Variants in PKNOX2 observed in about 807,000 individuals in gnomAD.
PKNOX2 encodes homeobox protein PKNOX2.
A neutral mutation model predicts 53.1 loss-of-function variants in PKNOX2; 14 were observed. The observed-to-expected ratio is 0.26, with a 90% confidence interval of 0.17 to 0.41. PKNOX2 has a LOEUF of 0.41. PKNOX2 is among the 10% of genes least tolerant of loss of function. The pLI is 1.00. For missense variants in PKNOX2, 496 were observed against 602.8 expected (o/e 0.82, Z 1.85); for synonymous variants, 257 against 242.8 (o/e 1.06, Z -0.54).
intron 2 of PKNOX2, among the ~76,000 whole-genome samples, chr11:125,299,837 C>T (rs554923725): frequency 3.3e-5 from 5 of 152,284 alleles, no homozygotes; most frequent in South Asian, 2.1e-4. Context: ...GAGCCAGAAG[C>T]GACCGTGGGG....
intron 2 of PKNOX2, among the ~76,000 whole-genome samples, chr11:125,264,125 A>G (rs1260157504): frequency 2.0e-5 from 3 of 152,188 alleles, no homozygotes; most frequent in Non-Finnish European, 4.4e-5. Flanking sequence ...CACTGTTAGG[A>G]AAAGGGAATC....
chr11:125,388,928 C>T (rs1307099490), intron 6 of PKNOX2, among the ~76,000 whole-genome samples: 1 of 152,246 alleles, frequency 6.6e-6, no homozygotes, highest in Non-Finnish European at 1.5e-5. Flanking sequence ...GGAACCGTGG[C>T]TCATGCCTGT....
At chr11:125,222,605 C>CTG (rs1010713566) in intron 1 of PKNOX2, among the ~76,000 whole-genome samples, 1 of 140,676 alleles carries the variant, frequency 7.1e-6, no homozygotes, top group African/African-American at 2.6e-5. Flanking sequence ...GTGTGTGTGT[C>CTG]TGTGTGTATG....
intron 5 of PKNOX2, among the ~76,000 whole-genome samples, chr11:125,371,720 TTCTC>T (rs1452761487): frequency 6.6e-6 from 1 of 152,064 alleles, no homozygotes; most frequent in Non-Finnish European, 1.5e-5. Context: ...GGCTGAAAGA[TTCTC>T]TCCGAGAACC....
At chr11:125,198,581 G>T (rs532531184) in intron 1 of PKNOX2, among the ~76,000 whole-genome samples, 2 of 152,296 alleles carry the variant, frequency 1.3e-5, no homozygotes, top group South Asian at 2.1e-4. Context: ...TCACAGGGTA[G>T]TAAAATAATC....
In PKNOX2 at chr11:125,370,892, C is replaced by T. The variant is rs1338055011; in HGVS notation, c.227+2907C>T. Among the ~76,000 whole-genome samples the T allele has an allele frequency of 2.0e-5, 3 of 152,202 alleles. No homozygotes were observed. The highest frequency in any genetic ancestry group is 2.9e-5 in the Non-Finnish European group (2 of 68,036). ...TTTCCATTCAGATGAGTGCCCCACA[C>T]TGGCTTTTGGGAGCCCCCATCATGG... is the stretch of plus-strand genomic sequence containing the variant. On this transcript the variant is annotated intron_variant, in intron 5 of 12. Coordinates refer to ENST00000298282, the MANE Select transcript of PKNOX2 (RefSeq NM_001382323.2). This position sits in a 1 kb window ranked among gnomAD's most constrained non-coding sequence, Gnocchi z 4.1.
chr11:125,197,958 A>C (rs986934161), intron 1 of PKNOX2, among the ~76,000 whole-genome samples: 1 of 152,230 alleles, frequency 6.6e-6, no homozygotes, highest in Non-Finnish European at 1.5e-5. Flanking sequence ...TGCAAACCAC[A>C]CTAGCAGCAT....
intron 10 of PKNOX2, among the ~76,000 whole-genome samples, chr11:125,427,492 A>G (rs1268526413): frequency 6.6e-6 from 1 of 152,222 alleles, no homozygotes; most frequent in Non-Finnish European, 1.5e-5. Flanking sequence ...CTTTTCCCTC[A>G]GAAAGTTCTA....
chr11:125,254,549 CA>C (rs1417376699), intron 2 of PKNOX2, among the ~76,000 whole-genome samples: 1 of 152,258 alleles, frequency 6.6e-6, no homozygotes, highest in Non-Finnish European at 1.5e-5. Flanking sequence ...CACATCTATA[CA>C]ATGAAGAGAA....
At chr11:125,275,302 G>A (rs1308951312) in intron 2 of PKNOX2, among the ~76,000 whole-genome samples, 3 of 152,098 alleles carry the variant, frequency 2.0e-5, no homozygotes, top group African/African-American at 7.2e-5. Flanking sequence ...TCAAGCAGAA[G>A]GAAAAGCAAA....
intron 3 of PKNOX2, among the ~76,000 whole-genome samples, chr11:125,339,311 G>A (rs57231580): frequency 0.036 from 5,493 of 152,280 alleles, 308 homozygotes; most frequent in African/African-American, 0.12. Context: ...CGGAAGAGAA[G>A]ACTCTGAAGT....
At position 125,385,608 on chromosome 11, in the gene PKNOX2, G is replaced by C; in HGVS notation, c.285G>C (p.Gln95His). 6.2e-7 allele frequency: 1 copy of C among 1,613,598 alleles called. No individual in the cohort carries two copies. Among genetic ancestry groups the C allele is most frequent in the Non-Finnish European group, 8.5e-7 (1 of 1,179,872 alleles). The stretch of plus-strand genomic sequence containing the variant: ...TTGAGAAATGTGAACAGGCCACCCA[G>C]GGCTCTGAGTGCATCACCTCCGCCA... The part of the protein sequence containing the change: ...LLFEKCEQAT[Q>H]GSECITSASF... Residue 95 changes from glutamine (Q) to histidine (H), a missense_variant, in exon 6 of 13, where the codon CAG becomes CAC. Coordinates refer to ENST00000298282, the MANE Select transcript of PKNOX2 (RefSeq NM_001382323.2).
Position 125,367,952 on chromosome 11 carries a change from C to T in PKNOX2, c.194C>T (p.Ala65Val), listed in dbSNP as rs777354694. ...CCCAGTGCCCCCATCGACCCCCAGG[C>T]CCAGCTGGAGGCTGACAAGCGAGCT... Reference protein sequence around the residue: ...PVPSAPIDPQAQLEADKRAVY... With the variant: ...PVPSAPIDPQVQLEADKRAVY... The change falls in exon 5 of 13, where the codon GCC (alanine) becomes GTC (valine). Residue 65 changes from alanine (A) to valine (V), a missense_variant. By Grantham distance (64) the Ala-to-Val change is moderately conservative. Coordinates refer to ENST00000298282, the MANE Select transcript of PKNOX2 (RefSeq NM_001382323.2). 2 of 1,613,296 alleles carry T rather than the reference C, an allele frequency of 1.2e-6. No individual in the cohort carries two copies. Among genetic ancestry groups the T allele is most frequent in the Middle Eastern group, 1.7e-4 (1 of 6,018 alleles).
chr11:125,255,452 C>A (rs915740621), intron 2 of PKNOX2, among the ~76,000 whole-genome samples: 2 of 152,178 alleles, frequency 1.3e-5, no homozygotes, highest in African/African-American at 2.4e-5. Context: ...TTGACCCTGG[C>A]TCTTATGGGA....
intron 1 of PKNOX2, among the ~76,000 whole-genome samples, chr11:125,187,608 A>T (rs1357079058): frequency 6.6e-6 from 1 of 151,704 alleles, no homozygotes; most frequent in Non-Finnish European, 1.5e-5. Context: ...GGGTCATGTC[A>T]TCTATGAGTA....
intron 3 of PKNOX2, among the ~76,000 whole-genome samples, chr11:125,335,162 T>C (rs1950368022): frequency 6.6e-6 from 1 of 152,184 alleles, no homozygotes; most frequent in Admixed American, 6.5e-5. Flanking sequence ...GTCTGATTTG[T>C]GCAGGCCTCC....
At chr11:125,346,773 G>C (rs1031576076) in intron 3 of PKNOX2, among the ~76,000 whole-genome samples, 1 of 150,928 alleles carries the variant, frequency 6.6e-6, no homozygotes, top group African/African-American at 2.5e-5. Flanking sequence ...AGGAAGGAGG[G>C]AGGGAAGAAG....
At chr11:125,309,144 T>TTTCTTTCTTTCTTTCTTTCC (rs1948643639) in intron 2 of PKNOX2, among the ~76,000 whole-genome samples, 1 of 149,326 alleles carries the variant, frequency 6.7e-6, no homozygotes, top group Non-Finnish European at 1.5e-5. Flanking sequence ...TCTTTCTTTC[T>TTTCTTTCTTTCTTTCTTTCC]TTCTTTCTTT....
intron 1 of PKNOX2, among the ~76,000 whole-genome samples, chr11:125,196,705 A>G (rs1175169042): frequency 1.3e-5 from 2 of 152,222 alleles, no homozygotes; most frequent in Non-Finnish European, 2.9e-5. Context: ...CCTCATCATT[A>G]GAACAAAGGC....
Sources: gnomAD v4.1 joint callset for allele counts (sites outside exome capture counted in the v4.1 genomes callset) on GRCh38, gnomAD v4.1.1 for gene constraint, Gnocchi (gnomAD v3.1) non-coding constraint, MANE v1.5 for transcripts, NCBI Gene and HGNC (gene_info 2026-07-23, HGNC 2026-07-21) for gene names.